EPHA5: variants seen among roughly 807,000 people sequenced by gnomAD.
EPHA5 encodes EPH receptor A5.
A neutral mutation model predicts 105.0 loss-of-function variants in EPHA5; 60 were observed. The observed-to-expected ratio is 0.57, with a 90% CI of 0.46 to 0.71. EPHA5 has a LOEUF of 0.71. Among genes scored for constraint, EPHA5 ranks in the 30% least tolerant of loss-of-function variants. The pLI is 0.00. For synonymous variants in EPHA5, 513 were observed against 449.1 expected (o/e 1.14, Z -1.80); for missense variants, 1,218 against 1,274.7 (o/e 0.96, Z 0.68).
At chr4:65,520,647 C>G (rs1048150876) in intron 3 of EPHA5, among the ~76,000 whole-genome samples, 1 of 152,062 alleles carries the variant, frequency 6.6e-6, no homozygotes, top group African/African-American at 2.4e-5. Context: ...GGACTAATAT[C>G]CAGAATCTAC....
At chr4:65,355,880 C>G (rs904371411) in intron 11 of EPHA5, among the ~76,000 whole-genome samples, 9 of 151,532 alleles carry the variant, frequency 5.9e-5, no homozygotes, top group African/African-American at 2.2e-4. Flanking sequence ...CCTAATCTAA[C>G]TAAAAGGAGG....
intron 5 of EPHA5, among the ~76,000 whole-genome samples, chr4:65,458,887 C>T (rs564772486): frequency 1.3e-5 from 2 of 151,994 alleles, no homozygotes; most frequent in East Asian, 1.9e-4. Flanking sequence ...AGATGAATAT[C>T]GTCATTAAGA....
intron 8 of EPHA5, among the ~76,000 whole-genome samples, chr4:65,371,851 G>A (rs1001341457): frequency 8.6e-5 from 13 of 152,038 alleles, no homozygotes; most frequent in African/African-American, 2.9e-4. Flanking sequence ...CACAATAGGG[G>A]AAGAAGTGGT....
intron 3 of EPHA5, among the ~76,000 whole-genome samples, chr4:65,549,138 A>G (rs1414304651): frequency 6.6e-6 from 1 of 152,158 alleles, no homozygotes; most frequent in Non-Finnish European, 1.5e-5. Context: ...TCAGGAAGAG[A>G]AAACTGTCAG....
chr4:65,492,988 G>GGTT (rs1553925710), intron 4 of EPHA5, among the ~76,000 whole-genome samples: 1 of 149,052 alleles, frequency 6.7e-6, no homozygotes, highest in Admixed American at 6.7e-5. Context: ...GTTTTGTTTT[G>GGTT]TTTTGTTTTT....
At chr4:65,418,138 A>C (rs1297117947) in intron 6 of EPHA5, among the ~76,000 whole-genome samples, 1 of 152,148 alleles carries the variant, frequency 6.6e-6, no homozygotes, top group Non-Finnish European at 1.5e-5. Context: ...TTTGCATTTT[A>C]CCTTCTTTTA....
intron 3 of EPHA5, among the ~76,000 whole-genome samples, chr4:65,500,280 C>A (rs1258074271): frequency 1.3e-5 from 2 of 151,064 alleles, no homozygotes; most frequent in Non-Finnish European, 1.5e-5. Context: ...GAGTAGAAGA[C>A]AAAAAATGCA....
At chr4:65,367,952 A>C (rs1718080036) in intron 8 of EPHA5, among the ~76,000 whole-genome samples, 2 of 151,940 alleles carry the variant, frequency 1.3e-5, no homozygotes, top group Admixed American at 1.3e-4. Context: ...CAACTTGCAA[A>C]GCCTCTCAGC....
chr4:65,613,747 A>T (rs1744981129), intron 2 of EPHA5, among the ~76,000 whole-genome samples: 2 of 152,124 alleles, frequency 1.3e-5, no homozygotes, highest in Admixed American at 6.5e-5. Flanking sequence ...CTTTTGAATA[A>T]ATGTATACCT....
intron 8 of EPHA5, among the ~76,000 whole-genome samples, chr4:65,382,584 G>A (rs1426344386): frequency 6.6e-6 from 1 of 151,724 alleles, no homozygotes; most frequent in African/African-American, 2.4e-5. Context: ...GAATCTATAT[G>A]CTATTCTTTA....
chr4:65,482,783 A>G (rs959721701), intron 5 of EPHA5, among the ~76,000 whole-genome samples: 3 of 152,088 alleles, frequency 2.0e-5, no homozygotes, highest in African/African-American at 7.2e-5. Flanking sequence ...ATAGCATCAT[A>G]TGTTAGTATT....
intron 14 of EPHA5, among the ~76,000 whole-genome samples, chr4:65,341,057 C>T (rs574040298): frequency 1.3e-5 from 2 of 152,214 alleles, no homozygotes; most frequent in Admixed American, 1.3e-4. Flanking sequence ...GGCTTCCCTT[C>T]ATCCCTCCTC....
chr4:65,508,195 T>C (rs1240166302), intron 3 of EPHA5, among the ~76,000 whole-genome samples: 4 of 152,134 alleles, frequency 2.6e-5, no homozygotes, highest in African/African-American at 9.7e-5. Flanking sequence ...TATTCTGTAA[T>C]TGAAAGAAAA....
intron 5 of EPHA5, among the ~76,000 whole-genome samples, chr4:65,476,943 A>T (rs956207847): frequency 3.9e-5 from 6 of 152,134 alleles, no homozygotes; most frequent in African/African-American, 7.2e-5. Flanking sequence ...TATTTGAAAA[A>T]TTTTCAAAAG....
chr4:65,601,571 T>C (rs539466136), intron 3 of EPHA5, 70 bp downstream of exon 3: 9 of 1,381,278 alleles, frequency 6.5e-6, no homozygotes, highest in South Asian at 2.7e-5. Flanking sequence ...CTCATAATCA[T>C]TGGAGGAAAT....
At chr4:65,330,019 C>G (rs551806552) in intron 16 of EPHA5, among the ~76,000 whole-genome samples, 2 of 151,352 alleles carry the variant, frequency 1.3e-5, no homozygotes, top group African/African-American at 4.8e-5. Flanking sequence ...CCCCAAAAAC[C>G]AGCTTTCTTG....
intron 1 of EPHA5, among the ~76,000 whole-genome samples, chr4:65,647,573 C>T (rs1350269556): frequency 6.6e-6 from 1 of 151,944 alleles, no homozygotes; most frequent in Non-Finnish European, 1.5e-5. Flanking sequence ...TTAATTAAAA[C>T]TTGTCTGGGA....
At chr4:65,451,663 T>C (rs1013792223) in intron 5 of EPHA5, among the ~76,000 whole-genome samples, 15 of 152,166 alleles carry the variant, frequency 9.9e-5, no homozygotes, top group African/African-American at 3.6e-4. Flanking sequence ...CTGTTAAAAC[T>C]AGATTTTTTT....
intron 8 of EPHA5, among the ~76,000 whole-genome samples, chr4:65,400,154 C>T (rs1721673719): frequency 6.6e-6 from 1 of 152,092 alleles, no homozygotes; most frequent in Non-Finnish European, 1.5e-5. Context: ...GTCAATTAAA[C>T]ATTTACAAAT....
Sources: gnomAD v4.1 joint callset for allele counts (sites outside exome capture counted in the v4.1 genomes callset) on GRCh38, gnomAD v4.1.1 for gene constraint, MANE v1.5 for transcripts, NCBI Gene and HGNC (gene_info 2026-07-23, HGNC 2026-07-21) for gene names.